Variants in ADRA1B observed in about 807,000 individuals in gnomAD.
ADRA1B encodes adrenoceptor alpha 1B.
Under a neutral mutation model 17.9 loss-of-function variants are expected in ADRA1B, and 17 were observed. The observed-to-expected ratio is 0.95, with a 90% CI of 0.65 to 1.42. The LOEUF is 1.42. Ranked by LOEUF, ADRA1B falls within the 40% of genes most tolerant of loss-of-function variation. The probability of loss-of-function intolerance (pLI) is 0.00; values close to 1 mark genes in which losing one functional copy is unlikely to be tolerated. For missense variants in ADRA1B, 681 were observed against 722.1 expected (o/e 0.94, Z 0.65); for synonymous variants, 366 against 327.6 (o/e 1.12, Z -1.27).
chr5:159,870,979 G>A (rs1753731679), intron 1 of ADRA1B: 2 of 152,128 alleles, frequency 1.3e-5, no homozygotes, highest in Non-Finnish European at 2.9e-5. Context: ...TTCCACATTG[G>A]ACTCACACAT....
chr5:159,901,740 C>G (rs11746691), intron 1 of ADRA1B, among the ~76,000 whole-genome samples: 29,406 of 151,988 alleles, frequency 0.19, 3,007 homozygotes, highest in African/African-American at 0.23. Flanking sequence ...AAATGGCCAA[C>G]AAGCATAAGA....
intron 1 of ADRA1B, among the ~76,000 whole-genome samples, chr5:159,932,749 C>A (rs1754850536): frequency 6.6e-6 from 1 of 152,106 alleles, no homozygotes; most frequent in African/African-American, 2.4e-5. Context: ...ATGGAAATAA[C>A]TTAAACACTA....
intron 1 of ADRA1B, among the ~76,000 whole-genome samples, chr5:159,920,872 C>T (rs1754458740): frequency 6.6e-6 from 1 of 152,130 alleles, no homozygotes; most frequent in Non-Finnish European, 1.5e-5. Context: ...AACTTTTTCA[C>T]TCATAAGGGG....
At chr5:159,938,894 C>A (rs1230550992) in intron 1 of ADRA1B, among the ~76,000 whole-genome samples, 1 of 152,172 alleles carries the variant, frequency 6.6e-6, no homozygotes, top group African/African-American at 2.4e-5. Flanking sequence ...CTAAGAGACT[C>A]TATCTAAATT....
chr5:159,951,327 C>T, intron 1 of ADRA1B: 2 of 1,330,066 alleles, frequency 1.5e-6, no homozygotes, highest in Non-Finnish European at 2.1e-6. Context: ...CTTGACAGTG[C>T]CATGGAATTT....
At chr5:159,950,620 G>T in intron 1 of ADRA1B, 8 of 866,664 alleles carry the variant, frequency 9.2e-6, no homozygotes, top group Admixed American at 1.7e-5. Flanking sequence ...AGCATCAAAG[G>T]TGGAGGAGTG....
chr5:159,982,036 TCTCGGAATGCTCACC>T, the ADRA1B span, among the ~76,000 whole-genome samples: 2,989 of 152,342 alleles, frequency 0.02, 106 homozygotes, highest in African/African-American at 0.068. Flanking sequence ...TGTCTTTCTT[TCTCGGAATGCTCACC>T]CTTGGAACCC....
At chr5:159,865,266 G>A (rs1171229956) in intron 1 of ADRA1B, 2 of 152,094 alleles carry the variant, frequency 1.3e-5, no homozygotes, top group Non-Finnish European at 2.9e-5. Context: ...GAAATGTTTG[G>A]GTGTTTTTTT....
At chr5:159,913,836 C>A (rs1363152597), upstream of ADRA1B, among the ~76,000 whole-genome samples, 2 of 152,154 alleles carry the variant, frequency 1.3e-5, no homozygotes, top group African/African-American at 2.4e-5. Flanking sequence ...AATGGGCCAC[C>A]ACAATCAAAA....
Position 159,917,473 on chromosome 5 carries a change from A to G in ADRA1B, c.568A>G (p.Asn190Asp). ...CCTTGGGTGGAAGGAGCCGGCACCC[A>G]ACGATGACAAGGAGTGCGGGGTCAC... ...PLLGWKEPAP[N>D]DDKECGVTEE... The change falls in exon 1 of 2, where the codon AAC becomes GAC. Residue 190 changes from asparagine (N) to aspartate (D), a missense_variant. By Grantham distance (23) the Asn-to-Asp change is conservative. Transcript: ENST00000306675. 6.2e-7 allele frequency: 1 copy of G among 1,614,096 alleles called. No homozygotes were observed. The highest frequency in any genetic ancestry group is 8.5e-7 in the Non-Finnish European group (1 of 1,180,000).
intron 1 of ADRA1B, among the ~76,000 whole-genome samples, chr5:159,965,238 A>C (rs1461653478): frequency 1.3e-5 from 2 of 152,088 alleles, no homozygotes; most frequent in Non-Finnish European, 2.9e-5. Flanking sequence ...TCCATTAAGG[A>C]AGGAGGCTTC....
At chr5:159,923,152 A>C (rs554629486) in intron 1 of ADRA1B, among the ~76,000 whole-genome samples, 1 of 152,390 alleles carries the variant, frequency 6.6e-6, no homozygotes, top group East Asian at 1.9e-4. Flanking sequence ...GAAGGGAGGC[A>C]GGTGCGTGTC....
chr5:159,972,520 G>C lies in ADRA1B; in HGVS notation c.*28G>C. 1 of 1,079,874 alleles carries C rather than the reference G, an allele frequency of 9.3e-7. No homozygotes were observed. Among genetic ancestry groups the C allele is most frequent in the Non-Finnish European group, 1.1e-6 (1 of 869,654 alleles). The allele number at this position is 1,079,874 out of a possible 1,614,324, so 66.9% of individuals were successfully genotyped here. ...CCCCCGTGCGCAGCTTTCTTTCCCT[G>C]GGGAGGAAAACATCGTGGGGGGGAG... is the stretch of plus-strand genomic sequence containing the variant. On this transcript the variant is annotated 3_prime_UTR_variant, in exon 2 of 2. Transcript: ENST00000306675.
At chr5:159,865,495 G>T (rs114697361) in intron 1 of ADRA1B, among the ~76,000 whole-genome samples, 1 of 152,282 alleles carries the variant, frequency 6.6e-6, no homozygotes, top group Non-Finnish European at 1.5e-5. Flanking sequence ...ACTAATTCTC[G>T]CAATCTCTAT....
the ADRA1B span, among the ~76,000 whole-genome samples, chr5:159,984,342 C>G: frequency 6.6e-5 from 10 of 152,200 alleles, no homozygotes; most frequent in Admixed American, 6.5e-4. Flanking sequence ...GCTCCCCCAT[C>G]TCAGGAAATG....
chr5:159,963,177 T>C (rs140686253), intron 1 of ADRA1B, among the ~76,000 whole-genome samples: 155 of 150,882 alleles, frequency 1.0e-3, no homozygotes, highest in African/African-American at 3.5e-3. Context: ...AATTCACCCA[T>C]AATTTCCCCA....
chr5:159,950,483 TC>T, intron 1 of ADRA1B: 1 of 1,418,880 alleles, frequency 7.0e-7, no homozygotes, highest in Non-Finnish European at 9.8e-7. Context: ...GGGCTGGTGG[TC>T]CAGGGGTGTT....
intron 1 of ADRA1B, among the ~76,000 whole-genome samples, chr5:159,962,837 A>AT (rs756263225): frequency 0.11 from 4,737 of 43,034 alleles, 438 homozygotes; most frequent in East Asian, 0.29. Context: ...ACACCTGGCT[A>AT]TTTTTTTTTT....
chr5:159,904,870 C>G (rs974759609), intron 1 of ADRA1B, among the ~76,000 whole-genome samples: 4 of 152,246 alleles, frequency 2.6e-5, no homozygotes, highest in African/African-American at 9.6e-5. Context: ...CAATAAATAT[C>G]TGCTAATCAC....
Sources: gnomAD v4.1 joint callset for allele counts (sites outside exome capture counted in the v4.1 genomes callset) on GRCh38, gnomAD v4.1.1 for gene constraint, MANE v1.5 for transcripts, NCBI Gene and HGNC (gene_info 2026-07-23, HGNC 2026-07-21) for gene names.